The following TNS3 variants were observed in gnomAD, a reference collection of about 807,000 sequenced individuals.
The protein encoded by TNS3 is tensin 3.
TNS3 carries 45 observed loss-of-function variants against 140.9 expected under a neutral mutation model. The observed-to-expected ratio is 0.32, with a 90% CI of 0.25 to 0.41. TNS3 has a LOEUF of 0.41. Among genes scored for constraint, TNS3 ranks in the 10% least tolerant of loss-of-function variants. The probability of loss-of-function intolerance (pLI) is 1.00; values close to 1 mark genes in which losing one functional copy is unlikely to be tolerated. For missense variants in TNS3, 1,716 were observed against 1,906.7 expected, an observed-to-expected ratio of 0.90 and a Z score of 1.86; for synonymous variants, 815 against 788.4, an observed-to-expected ratio of 1.03 and a Z score of -0.56.
At chr7:47,574,891 CCG>C (rs1800641799) in intron 1 of TNS3, among the ~76,000 whole-genome samples, 1 of 152,066 alleles carries the variant, frequency 6.6e-6, no homozygotes, top group East Asian at 1.9e-4. Context: ...TTAAGGGACA[CCG>C]AGTTTCAGTT....
intron 1 of TNS3, among the ~76,000 whole-genome samples, chr7:47,564,933 C>A (rs1195141415): frequency 6.6e-6 from 1 of 152,022 alleles, no homozygotes; most frequent in Non-Finnish European, 1.5e-5. Context: ...CTCCTGAGTT[C>A]ATAGGAACTC....
At chr7:47,336,736 C>T (rs1788653030) in intron 20 of TNS3, among the ~76,000 whole-genome samples, 1 of 152,158 alleles carries the variant, frequency 6.6e-6, no homozygotes, top group Non-Finnish European at 1.5e-5. Context: ...CACACCTATA[C>T]TATGTACCCA....
chr7:47,374,214 T>A (rs1449665119), intron 16 of TNS3, among the ~76,000 whole-genome samples: 1 of 152,190 alleles, frequency 6.6e-6, no homozygotes, highest in East Asian at 1.9e-4. Flanking sequence ...CAGGGAACAT[T>A]TGAACATTAT....
intron 24 of TNS3, among the ~76,000 whole-genome samples, chr7:47,294,043 AC>A (rs1312470880): frequency 6.6e-6 from 1 of 152,216 alleles, no homozygotes; most frequent in African/African-American, 2.4e-5. Context: ...TAGGCCAGAT[AC>A]AGGGCGGGAA....
chr7:47,467,583 A>C (rs1796772328), intron 4 of TNS3, among the ~76,000 whole-genome samples: 1 of 152,166 alleles, frequency 6.6e-6, no homozygotes, highest in Admixed American at 6.5e-5. Context: ...TGATGCTGGC[A>C]GACTGACACC....
intron 22 of TNS3, 30 bp downstream of exon 22, chr7:47,302,920 G>A: frequency 6.4e-7 from 1 of 1,566,660 alleles, no homozygotes; most frequent in Non-Finnish European, 8.7e-7. Context: ...GGACAGAGGG[G>A]CCCTTCCAAC....
At chr7:47,435,475 T>C in intron 7 of TNS3, 71 bp from the exon 8 acceptor site, 2 of 1,594,306 alleles carry the variant, frequency 1.3e-6, no homozygotes, top group Non-Finnish European at 1.7e-6. Context: ...CACAATGACT[T>C]CTTTCATCAT....
intron 20 of TNS3, among the ~76,000 whole-genome samples, chr7:47,323,085 G>T: frequency 6.6e-6 from 1 of 152,206 alleles, no homozygotes; most frequent in Non-Finnish European, 1.5e-5. Context: ...CCAGTCTAGG[G>T]CTGGAGGTAC....
intron 4 of TNS3, among the ~76,000 whole-genome samples, chr7:47,462,199 CATAGTA>C (rs1324193283): frequency 6.6e-6 from 1 of 152,206 alleles, no homozygotes. Flanking sequence ...AAGCCAAATG[CATAGTA>C]AGTGACATGC....
intron 16 of TNS3, among the ~76,000 whole-genome samples, chr7:47,383,714 T>C (rs949096151): frequency 6.6e-6 from 1 of 151,972 alleles, no homozygotes; most frequent in African/African-American, 2.4e-5. Flanking sequence ...TGACCCCAGG[T>C]AGACAGGGGA....
At chr7:47,334,534 T>A (rs182513869) in intron 20 of TNS3, among the ~76,000 whole-genome samples, 7 of 152,268 alleles carry the variant, frequency 4.6e-5, no homozygotes, top group African/African-American at 1.7e-4. Flanking sequence ...TAGATGCTTT[T>A]ATGTTATGTG....
At chr7:47,542,226 C>T (rs1479621668) in intron 1 of TNS3, among the ~76,000 whole-genome samples, 1 of 152,158 alleles carries the variant, frequency 6.6e-6, no homozygotes, top group African/African-American at 2.4e-5. Context: ...ATCAAGGGGT[C>T]AAGGTGACCA....
intron 9 of TNS3, among the ~76,000 whole-genome samples, chr7:47,426,849 G>A (rs1466307821): frequency 6.6e-6 from 1 of 152,104 alleles, no homozygotes; most frequent in African/African-American, 2.4e-5. Context: ...GGTGTGGCTG[G>A]GCGTGGTGGC....
chr7:47,447,068 A>ATGGGCCCC (rs570944606), intron 4 of TNS3, among the ~76,000 whole-genome samples: 1 of 151,430 alleles, frequency 6.6e-6, no homozygotes. Context: ...CCATGGGCTC[A>ATGGGCCCC]ATGAGGTCAA....
intron 1 of TNS3, among the ~76,000 whole-genome samples, chr7:47,551,451 G>A (rs975682334): frequency 2.0e-5 from 3 of 152,196 alleles, no homozygotes; most frequent in Non-Finnish European, 4.4e-5. Context: ...CCCTGGGTGT[G>A]GCCACCTCAG....
chr7:47,293,272 A>G (rs910537219), intron 25 of TNS3, among the ~76,000 whole-genome samples: 4 of 152,266 alleles, frequency 2.6e-5, no homozygotes, highest in African/African-American at 4.8e-5. Flanking sequence ...AGCTCTAATA[A>G]CAATGATGCC....
intron 20 of TNS3, among the ~76,000 whole-genome samples, chr7:47,339,027 AG>A (rs1370556032): frequency 4.6e-5 from 7 of 152,186 alleles, no homozygotes; most frequent in Admixed American, 4.6e-4. Context: ...TTTTAATAAT[AG>A]TTTGGCTCAT....
chr7:47,519,242 C>T (rs1050694777), intron 2 of TNS3, among the ~76,000 whole-genome samples: 1 of 137,232 alleles, frequency 7.3e-6, no homozygotes, highest in Admixed American at 7.4e-5. Flanking sequence ...ACCTGCCCCC[C>T]ATTTAAGATA....
rs775838543 is a variant in TNS3, at chr7:47,529,165, G to T, written c.-264-18C>A. 4.9e-6 allele frequency: 6 copies of T among 1,214,238 alleles called. No homozygotes were observed. Among genetic ancestry groups the T allele is most frequent in the Non-Finnish European group, 6.4e-6 (6 of 934,410 alleles). 75.2% of individuals were successfully genotyped at this position (1,214,238 alleles called of 1,614,324 possible). On this transcript the variant is annotated intron_variant, in intron 1 of 30. Coordinates refer to ENST00000311160, the MANE Select transcript of TNS3 (RefSeq NM_022748.12). ...TCTTCCGGCTGAAAAAGTAAAGGAA[G>T]AAATTGTCAACGTTTCATCTCATAG...
Sources: gnomAD v4.1 joint callset for allele counts (sites outside exome capture counted in the v4.1 genomes callset) on GRCh38, gnomAD v4.1.1 for gene constraint, MANE v1.5 for transcripts, NCBI Gene and HGNC (gene_info 2026-07-23, HGNC 2026-07-21) for gene names.